NUMA1: variants seen among roughly 807,000 people sequenced by gnomAD.
NUMA1 encodes the protein SP-H antigen.
A neutral mutation model predicts 237.1 loss-of-function variants in NUMA1; 62 were observed. The ratio of observed to expected loss-of-function variants is 0.26; its 90% confidence interval spans 0.21 to 0.32. The LOEUF (loss-of-function observed/expected upper bound fraction) is 0.32. NUMA1 is among the 10% of genes least tolerant of loss of function. The pLI is 1.00. For missense variants in NUMA1, 2,533 were observed against 2,666.5 expected (o/e 0.95, Z 1.10); for synonymous variants, 1,028 against 1,066.1 (o/e 0.96, Z 0.70).
chr11:72,047,504 A>G (rs1428250641), intron 2 of NUMA1, among the ~76,000 whole-genome samples: 1 of 152,042 alleles, frequency 6.6e-6, no homozygotes, highest in Non-Finnish European at 1.5e-5. Context: ...AACAAAAACA[A>G]AAACAAATAA....
intron 10 of NUMA1, 53 bp from the exon 11 acceptor site, chr11:72,018,566 GGAACTATGTGCACA>G (rs1255802011): frequency 1.2e-5 from 17 of 1,463,836 alleles, no homozygotes; most frequent in Non-Finnish European, 1.4e-5. Context: ...GTGCATGAGC[GGAACTATGTGCACA>G]GAACTATGTG....
At position 72,006,252 on chromosome 11, in the gene NUMA1, C is replaced by T. The variant is rs1015362024; in HGVS notation, c.5475G>A (p.Val1825=). ...ATGAGTTGGCGCTGTCTGGCTCTTCCACATCTAGCTTCTGGAAGACAGAGT... is the reference window on the plus strand; with the variant it reads ...ATGAGTTGGCGCTGTCTGGCTCTTCTACATCTAGCTTCTGGAAGACAGAGT... ...INITMTKKLD[V]EEPDSANSSF... Residue 1825 remains valine (V), a synonymous_variant, in exon 22 of 27, where the codon GTG becomes GTA. Transcript: ENST00000393695. 1.9e-6 allele frequency: 3 copies of T among 1,613,980 alleles called. No homozygotes were observed. Among genetic ancestry groups the T allele is most frequent in the Non-Finnish European group, 2.5e-6 (3 of 1,179,972 alleles).
chr11:72,076,722 T>A (rs1032587740), intron 1 of NUMA1: 3 of 152,056 alleles, frequency 2.0e-5, no homozygotes, highest in African/African-American at 7.3e-5. Context: ...GAGGCAGAGG[T>A]TGCAGGGAGC....
rs565088118 is a variant in NUMA1, at chr11:72,014,025, G to C, written c.3478C>G (p.Arg1160Gly). 1 of 1,611,306 alleles carries C rather than the reference G, an allele frequency of 6.2e-7. No individual in the cohort carries two copies. Among genetic ancestry groups the C allele is most frequent in the Non-Finnish European group, 8.5e-7 (1 of 1,179,974 alleles). The change falls in exon 15 of 27, where the codon CGG (arginine) becomes GGG (glycine). Residue 1160 changes from arginine (R) to glycine (G), a missense_variant. By Grantham distance (125) the Arg-to-Gly change is moderately radical. This residue lies in a region of NUMA1 where 1,414 missense variants were observed against 1,508.1 expected (regional missense o/e 0.94). Transcript: ENST00000393695. The surrounding 1 kb of genome is among the most constrained non-coding windows in gnomAD (Gnocchi z 4.6). ...TGCAGAGTCTCCAGAGCACTGTCCC[G>C]CTCAGCCCGGGAGGCCCGCTCAGCC... ...LEAERASRAERDSALETLQGQ... is the reference protein window; with the variant it reads ...LEAERASRAEGDSALETLQGQ...
At chr11:72,023,247 TGG>T in intron 5 of NUMA1, 100 bp from the exon 6 acceptor site, 1 of 863,266 alleles carries the variant, frequency 1.2e-6, no homozygotes, top group Non-Finnish European at 1.9e-6. Flanking sequence ...CTATCTCTGG[TGG>T]GGCTATGAGA....
chr11:72,051,466 CAA>C (rs1210187503), intron 2 of NUMA1, among the ~76,000 whole-genome samples: 2 of 120,730 alleles, frequency 1.7e-5, no homozygotes, highest in African/African-American at 3.1e-5. Context: ...GCTAGGAATT[CAA>C]AGATTTTTTT....
At chr11:72,040,326 C>T (rs1437929025) in intron 2 of NUMA1, among the ~76,000 whole-genome samples, 1 of 152,166 alleles carries the variant, frequency 6.6e-6, no homozygotes, top group South Asian at 2.1e-4. Flanking sequence ...TTACAGATGT[C>T]TGCCCCTTCT....
chr11:72,017,985 A>G (rs1938124622), intron 12 of NUMA1, 158 bp from the exon 13 acceptor site: 1 of 1,037,604 alleles, frequency 9.6e-7, no homozygotes, highest in African/African-American at 1.6e-5. Context: ...AGAACTACAA[A>G]TCAACATTTA....
At chr11:72,024,384 T>G (rs781557887) in intron 4 of NUMA1, 31 bp from the exon 5 acceptor site, 1 of 1,597,470 alleles carries the variant, frequency 6.3e-7, no homozygotes, top group Non-Finnish European at 8.6e-7. Context: ...AGGACCAGAG[T>G]ATTCAGCAAT....
intron 1 of NUMA1, among the ~76,000 whole-genome samples, chr11:72,073,507 T>C (rs1455039507): frequency 1.3e-5 from 2 of 152,270 alleles, no homozygotes; most frequent in Non-Finnish European, 2.9e-5. Context: ...CCAATGACCA[T>C]GGCAAAGGGT....
intron 2 of NUMA1, among the ~76,000 whole-genome samples, chr11:72,052,157 A>G (rs1356248250): frequency 6.6e-6 from 1 of 152,202 alleles, no homozygotes; most frequent in Non-Finnish European, 1.5e-5. Context: ...CTCTTAGCAT[A>G]TAGGGGCGTG....
chr11:72,007,512 A>G, intron 20 of NUMA1, 77 bp from the exon 21 acceptor site: 1 of 1,544,992 alleles, frequency 6.5e-7, no homozygotes, highest in South Asian at 1.2e-5. Flanking sequence ...GAAAGTGACC[A>G]TTTCCCATCC....
chr11:72,026,498 A>G (rs1939604527), intron 4 of NUMA1, among the ~76,000 whole-genome samples: 1 of 145,554 alleles, frequency 6.9e-6, no homozygotes, highest in Admixed American at 6.6e-5. Context: ...CAGCTATCAA[A>G]CAGACGGGAC....
At position 72,009,066 on chromosome 11, in the gene NUMA1, T is replaced by C; in HGVS notation, c.4959A>G (p.Glu1653=). Residue 1653 remains glutamate (E), a synonymous_variant, in exon 19 of 27, where the codon GAA becomes GAG. Coordinates refer to ENST00000393695, the MANE Select transcript of NUMA1 (RefSeq NM_006185.4). The part of the protein sequence containing the change: ...KENKELRAEA[E]RLGHELQQAG... ...CCTGCTGTAGCTCATGGCCCAGCCGTTCAGCTTCAGCTCGCAGCTCTTTGT... is the reference window on the plus strand; with the variant it reads ...CCTGCTGTAGCTCATGGCCCAGCCGCTCAGCTTCAGCTCGCAGCTCTTTGT... The C allele has an allele frequency of 6.2e-7, 1 of 1,613,708 alleles. No individual in the cohort carries two copies. Among genetic ancestry groups the C allele is most frequent in the Non-Finnish European group, 8.5e-7 (1 of 1,180,018 alleles).
intron 23 of NUMA1, 135 bp downstream of exon 23, chr11:72,005,098 G>A: frequency 9.3e-7 from 1 of 1,069,834 alleles, no homozygotes; most frequent in Non-Finnish European, 1.3e-6. Flanking sequence ...GTTCCACCTG[G>A]AAACATGAGA....
rs150368936 is a variant in NUMA1 at position 72,014,294 on chromosome 11, C to T, written c.3209G>A (p.Arg1070His). Residue 1070 changes from arginine (R) to histidine (H), a missense_variant, in exon 15 of 27, where the codon CGT (arginine) becomes CAT (histidine). By Grantham distance (29) the Arg-to-His change is conservative (BLOSUM62 0). Coordinates refer to ENST00000393695, the MANE Select transcript of NUMA1 (RefSeq NM_006185.4). The surrounding 1 kb of genome is among the most constrained non-coding windows in gnomAD (Gnocchi z 4.6). ...EGKDQELAKLRGLEAAQIKEL... is the reference protein window; with the variant it reads ...EGKDQELAKLHGLEAAQIKEL... ...TTTTATCTGGGCTGCCTCCAGACCA[C>T]GAAGCTTGGCCAACTCCTGGTCCTT... is the stretch of plus-strand genomic sequence containing the variant. 1.4e-5 allele frequency: 22 copies of T among 1,613,818 alleles called. No homozygotes were observed. The highest frequency in any genetic ancestry group is 1.1e-5 in the Non-Finnish European group (13 of 1,180,054).
At chr11:72,031,722 G>C (rs979727260) in intron 3 of NUMA1, among the ~76,000 whole-genome samples, 8 of 152,124 alleles carry the variant, frequency 5.3e-5, no homozygotes, top group African/African-American at 1.9e-4. Context: ...GCTGACGTGG[G>C]AAGATCGCTT....
intron 9 of NUMA1, 77 bp from the exon 10 acceptor site, chr11:72,019,057 A>T (rs1938347710): frequency 6.5e-7 from 1 of 1,545,688 alleles, no homozygotes; most frequent in Non-Finnish European, 8.8e-7. Context: ...GCAGTAAGGG[A>T]GCGGGGTCTA....
In NUMA1 at chr11:72,003,188, G is replaced by A; in HGVS notation, c.*339C>T. ...CCTCTTATGGTCCCTTCTAGATCCA[G>A]AGGCTAAGAGGAAGACTGGCCAGGC... On this transcript the variant is annotated 3_prime_UTR_variant, in exon 27 of 27. Coordinates refer to ENST00000393695, the MANE Select transcript of NUMA1 (RefSeq NM_006185.4). The A allele has an allele frequency of 2.6e-6, 1 of 391,628 alleles. No homozygotes were observed. The highest frequency in any genetic ancestry group is 4.2e-5 in the East Asian group (1 of 23,586). The allele number at this position is 391,628 out of a possible 1,614,324, so 24.3% of individuals were successfully genotyped here. A position where few individuals can be genotyped will look rare whatever the true frequency, so the allele number is the denominator to read the frequency against.
Sources: allele counts gnomAD v4.1 joint callset (sites outside exome capture counted in the v4.1 genomes callset), GRCh38; gene constraint gnomAD v4.1.1; regional missense constraint gnomAD v4.1.1; non-coding constraint Gnocchi (gnomAD v3.1); transcripts MANE v1.5; gene names NCBI Gene and HGNC (gene_info 2026-07-23, HGNC 2026-07-21).